The following ZNF208 variants were observed in gnomAD, a reference collection of about 807,000 sequenced individuals.
ZNF208 encodes the protein zinc finger protein 95.
ZNF208 carries 10 observed loss-of-function variants against 12.1 expected under a neutral mutation model. That is an observed-to-expected ratio of 0.83 (90% CI 0.51 to 1.40). The LOEUF (loss-of-function observed/expected upper bound fraction) is 1.40, where lower values mean the gene tolerates loss of function less well. Ranked by LOEUF, ZNF208 falls within the 40% of genes most tolerant of loss-of-function variation. The probability of loss-of-function intolerance (pLI) is 0.00; values close to 1 mark genes in which losing one functional copy is unlikely to be tolerated. For synonymous variants in ZNF208, 497 were observed against 488.4 expected, an observed-to-expected ratio of 1.02 and a Z score of -0.23; for missense variants, 1,652 against 1,485.0, an observed-to-expected ratio of 1.11 and a Z score of -1.85.
At chr19:21,960,114 A>G (rs1431401113) in intron 4 of ZNF208, among the ~76,000 whole-genome samples, 10 of 152,168 alleles carry the variant, frequency 6.6e-5, no homozygotes, top group South Asian at 2.1e-4. Context: ...ACTGTGAGAA[A>G]TGACACAAAG....
rs1396524230 is a variant in ZNF208 at position 21,984,226 on chromosome 19, T to C, written c.226+2990A>G. On this transcript the variant is annotated intron_variant, in intron 3 of 3. Transcript: ENST00000397126. ...ATTATTTTCTGTGACTAAACTTGAA[T>C]GCCAGTATACAACAAAAATAGAAAA... is the stretch of plus-strand genomic sequence containing the variant. Among the ~76,000 whole-genome samples the C allele has an allele frequency of 2.0e-5, 3 of 152,246 alleles. No homozygotes were observed. The East Asian group carries it at 5.8e-4, about 29-fold the overall frequency.
At chr19:22,005,977 A>G (rs1971037400) in intron 1 of ZNF208, among the ~76,000 whole-genome samples, 1 of 151,912 alleles carries the variant, frequency 6.6e-6, no homozygotes, top group African/African-American at 2.4e-5. Context: ...CACTCTGCAT[A>G]TTTTCTTCTT....
rs1970398365 is a variant in ZNF208, at chr19:21,974,801, C to T, written c.233G>A (p.Cys78Tyr). The T allele has an allele frequency of 1.9e-6, 3 of 1,540,456 alleles. No individual in the cohort carries two copies. The highest frequency in any genetic ancestry group is 1.3e-5 in the South Asian group (1 of 78,106). The change falls in exon 4 of 4, where the codon TGT becomes TAT. Residue 78 changes from cysteine to tyrosine, a missense_variant. Around this residue, in one of 3 missense-constraint regions of ZNF208, gnomAD observed 410 missense variants for 378.2 expected, o/e 1.08. Transcript: ENST00000397126. Reference sequence around the variant, plus strand: ...CCAAAGATCTTGAGCAAAATGAGAACATATAACTGAAAAGAAATAAAAATC... The same window carrying T: ...CCAAAGATCTTGAGCAAAATGAGAATATATAACTGAAAAGAAATAAAAATC... Reference protein sequence around the residue: ...HEMVEESPVICSHFAQDLWPE... With the variant: ...HEMVEESPVIYSHFAQDLWPE...
chr19:22,004,827 A>G (rs917973564), intron 1 of ZNF208, among the ~76,000 whole-genome samples: 7 of 152,228 alleles, frequency 4.6e-5, no homozygotes, highest in African/African-American at 7.2e-5. Context: ...TTAGTACTGC[A>G]GTGACAAAAT....
At chr19:21,954,717 C>T (rs1196906150) in intron 4 of ZNF208, among the ~76,000 whole-genome samples, 1 of 152,106 alleles carries the variant, frequency 6.6e-6, no homozygotes, top group East Asian at 1.9e-4. Context: ...TTATTTTGAG[C>T]CTATGTGTGT....
chr19:21,960,230 G>T (rs1970041681), intron 4 of ZNF208, among the ~76,000 whole-genome samples: 2 of 152,116 alleles, frequency 1.3e-5, no homozygotes, highest in East Asian at 1.9e-4. Flanking sequence ...CTCAAATTAT[G>T]TTAATAATAA....
At chr19:21,977,437 C>A (rs1970453224) in intron 3 of ZNF208, among the ~76,000 whole-genome samples, 1 of 152,170 alleles carries the variant, frequency 6.6e-6, no homozygotes, top group Admixed American at 6.5e-5. Flanking sequence ...CAAGCCAAAG[C>A]AGGGTGGGAT....
At chr19:21,990,044 T>C (rs1970703955) in intron 1 of ZNF208, among the ~76,000 whole-genome samples, 2 of 152,172 alleles carry the variant, frequency 1.3e-5, no homozygotes, top group Non-Finnish European at 2.9e-5. Flanking sequence ...GCCTGTTCAC[T>C]CTGATGGTAG....
At chr19:21,992,316 C>T (rs569128612) in intron 1 of ZNF208, among the ~76,000 whole-genome samples, 12 of 152,130 alleles carry the variant, frequency 7.9e-5, no homozygotes, top group Admixed American at 7.2e-4. Context: ...AGATATTGCC[C>T]CCTGAAAGGT....
intron 4 of ZNF208, among the ~76,000 whole-genome samples, chr19:21,951,316 T>C (rs1462328632): frequency 6.6e-6 from 1 of 152,184 alleles, no homozygotes; most frequent in Non-Finnish European, 1.5e-5. Context: ...TACAAAAAGT[T>C]ACCATTATAA....
chr19:21,978,952 T>C (rs1970484696), intron 3 of ZNF208, among the ~76,000 whole-genome samples: 1 of 151,842 alleles, frequency 6.6e-6, no homozygotes, highest in Admixed American at 6.6e-5. Context: ...AACAGCTGAA[T>C]CGATAAAGCG....
At position 21,971,975 on chromosome 19, in the gene ZNF208, TTA is replaced by T; in HGVS notation, c.3057_3058del (p.His1019GlnfsTer13). The stretch of plus-strand genomic sequence containing the variant: ...GGGTGTCTCTCCAGTGTGAATTTTC[TTA>T]TGTTCCATAAGGTTTGATGACCAGT... On this transcript the variant is annotated frameshift_variant, in exon 4 of 4. Coordinates refer to ENST00000397126, the MANE Select transcript of ZNF208 (RefSeq NM_007153.3). LOFTEE classifies it low-confidence loss of function (END_TRUNC). The T allele has an allele frequency of 2.5e-6, 4 of 1,613,158 alleles. No individual in the cohort carries two copies. Among genetic ancestry groups the T allele is most frequent in the Non-Finnish European group, 3.4e-6 (4 of 1,179,568 alleles).
intron 4 of ZNF208, among the ~76,000 whole-genome samples, chr19:21,959,065 G>A (rs1214358986): frequency 2.0e-5 from 3 of 151,638 alleles, no homozygotes; most frequent in Admixed American, 6.6e-5. Flanking sequence ...CTGGGTGACA[G>A]AGACTCAGTC....
chr19:21,952,134 G>A (rs1441901541), intron 4 of ZNF208, among the ~76,000 whole-genome samples: 4 of 152,178 alleles, frequency 2.6e-5, no homozygotes, highest in African/African-American at 7.2e-5. Flanking sequence ...GTAGCTAAAC[G>A]AAGTGGCCGG....
intron 3 of ZNF208, among the ~76,000 whole-genome samples, chr19:21,981,351 C>T (rs947489068): frequency 6.6e-6 from 1 of 151,998 alleles, no homozygotes; most frequent in Non-Finnish European, 1.5e-5. Flanking sequence ...CATCAAAAAG[C>T]TTATCCACCA....
In ZNF208 at chr19:21,973,198, T is replaced by G. The variant is rs553606877; in HGVS notation, c.1836A>C (p.Glu612Asp). ...IHTGEKPYKC[E>D]ECGKTFSKVS... Reference sequence around the variant, plus strand: ...CCTTACTAAAGGTTTTGCCACATTCTTCACATTTGTAGGGTTTCTCACCAG... The same window carrying G: ...CCTTACTAAAGGTTTTGCCACATTCGTCACATTTGTAGGGTTTCTCACCAG... The change falls in exon 4 of 4, where the codon GAA (glutamate) becomes GAC (aspartate). Residue 612 changes from glutamate to aspartate, a missense_variant. Transcript: ENST00000397126. 3 of 1,613,756 alleles carry G rather than the reference T, an allele frequency of 1.9e-6. No individual in the cohort carries two copies. The highest frequency in any genetic ancestry group is 2.2e-5 in the South Asian group (2 of 91,050).
In ZNF208 at chr19:21,971,434, T is replaced by C. The variant is rs149720200; in HGVS notation, c.3600A>G (p.Glu1200=). The C allele has an allele frequency of 2.1e-3, 3,369 of 1,610,332 alleles. 54 individuals carry two copies. In the African/African-American group the frequency reaches 0.04, roughly 19 times the overall value. Reference sequence around the variant, plus strand: ...GCCACTTATAGGCTTTGCCACATTCTTCACATTTGTAGAGTTTCTCTCCAG... The same window carrying C: ...GCCACTTATAGGCTTTGCCACATTCCTCACATTTGTAGAGTTTCTCTCCAG... ...IHTGEKLYKC[E]ECGKAYKWPS... is the part of the protein sequence containing the mutation. The change falls in exon 4 of 4, where the codon GAA becomes GAG. Residue 1200 remains glutamate, a synonymous_variant. Transcript: ENST00000397126.
Position 21,971,676 on chromosome 19 carries a change from T to G in ZNF208, c.3358A>C (p.Lys1120Gln). 6.2e-7 allele frequency: 1 copy of G among 1,613,908 alleles called. No individual in the cohort carries two copies. Among genetic ancestry groups the G allele is most frequent in the Non-Finnish European group, 8.5e-7 (1 of 1,179,956 alleles). ...AGGATTGAGAACGTACTAAAGCTTT[T>G]GCCACATTCTTCACATTTGTAGGGT... is the stretch of plus-strand genomic sequence containing the variant. ...EKPYKCEECGKSFSTFSILTK... is the reference protein window; with the variant it reads ...EKPYKCEECGQSFSTFSILTK... The change falls in exon 4 of 4, where the codon AAA becomes CAA. Residue 1120 changes from lysine to glutamine, a missense_variant. Around this residue, in one of 3 missense-constraint regions of ZNF208, gnomAD observed 1,239 missense variants for 1,086.2 expected, o/e 1.14. Transcript: ENST00000397126.
At chr19:21,945,258 C>T (rs1184208839) in intron 4 of ZNF208, among the ~76,000 whole-genome samples, 1 of 152,214 alleles carries the variant, frequency 6.6e-6, no homozygotes, top group Admixed American at 6.5e-5. Context: ...AAGCAACACA[C>T]CCTGAATCCC....
Sources: allele counts gnomAD v4.1 joint callset (sites outside exome capture counted in the v4.1 genomes callset), GRCh38; gene constraint gnomAD v4.1.1; regional missense constraint gnomAD v4.1.1; transcripts MANE v1.5; gene names NCBI Gene and HGNC (gene_info 2026-07-23, HGNC 2026-07-21).